KCNN2: variants seen among roughly 807,000 people sequenced by gnomAD.
The protein encoded by KCNN2 is small conductance calcium-activated potassium channel protein 2.
KCNN2 carries 24 observed loss-of-function variants against 55.5 expected under a neutral mutation model. The ratio of observed to expected loss-of-function variants is 0.43; its 90% confidence interval spans 0.31 to 0.61. The LOEUF (loss-of-function observed/expected upper bound fraction) is 0.61, where lower values mean the gene tolerates loss of function less well. Ranked by LOEUF, KCNN2 falls within the 20% of genes least tolerant of loss-of-function variation. The pLI is 0.08. For missense variants in KCNN2, 754 were observed against 853.6 expected (o/e 0.88, Z 1.45); for synonymous variants, 431 against 336.1 (o/e 1.28, Z -3.09).
intron 2 of KCNN2, among the ~76,000 whole-genome samples, chr5:114,309,061 T>G (rs923565553): frequency 2.6e-5 from 4 of 152,318 alleles, no homozygotes; most frequent in Admixed American, 1.3e-4. Flanking sequence ...GAGCTGAAAA[T>G]TAAATTAATC....
At chr5:114,386,837 C>T (rs577918364) in intron 2 of KCNN2, among the ~76,000 whole-genome samples, 11 of 152,280 alleles carry the variant, frequency 7.2e-5, no homozygotes, top group South Asian at 2.1e-4. Context: ...TTTACTATCC[C>T]GCATTTATCA....
intron 1 of KCNN2, among the ~76,000 whole-genome samples, chr5:114,061,266 C>T (rs1218659877): frequency 6.6e-6 from 1 of 152,108 alleles, no homozygotes; most frequent in Non-Finnish European, 1.5e-5. Context: ...CTCCTAGTAC[C>T]CCAACTCCAA....
At chr5:114,152,229 A>G (rs1177053256) in intron 1 of KCNN2, among the ~76,000 whole-genome samples, 2 of 152,164 alleles carry the variant, frequency 1.3e-5, no homozygotes, top group Admixed American at 6.6e-5. Flanking sequence ...CCCTTTAAAA[A>G]GTCATGTTTT....
At chr5:114,154,935 T>C (rs1373977691) in intron 1 of KCNN2, among the ~76,000 whole-genome samples, 2 of 152,164 alleles carry the variant, frequency 1.3e-5, no homozygotes, top group African/African-American at 2.4e-5. Flanking sequence ...GTTTGTTACA[T>C]AGGCAAACTT....
chr5:114,363,455 G>T lies in KCNN2; in HGVS notation c.1122+194G>T, dbSNP rs189507722. Among the ~76,000 whole-genome samples the T allele has an allele frequency of 8.2e-4, 125 of 152,358 alleles. 1 individual carries two copies. The highest frequency in any genetic ancestry group is 1.4e-3 in the Admixed American group (22 of 15,314). On this transcript the variant is annotated intron_variant, in intron 1 of 7. Transcript: ENST00000673685. ...ACTCGGAGATGAACCCTTTCCGCGT[G>T]CAGCCAAAGTTCTCGAGGCAGTTAA... is the stretch of plus-strand genomic sequence containing the variant.
In KCNN2 at chr5:114,362,691, C is replaced by T. The variant is rs890128901; in HGVS notation, c.552C>T (p.His184=). 5.6e-6 allele frequency: 8 copies of T among 1,429,234 alleles called. No individual in the cohort carries two copies. In the East Asian group the frequency reaches 1.0e-4, roughly 18 times the overall value. The allele number at this position is 1,429,234 out of a possible 1,614,324, so 88.5% of individuals were successfully genotyped here. ...GSLGSGPPLS[H]HHHHPHPAHH... ...TGGGCTCCGGGCCCCCGCTCTCGCA[C>T]CACCACCACCACCCGCACCCGGCGC... The change falls in exon 1 of 8, where the codon CAC becomes CAT. Residue 184 remains histidine, a synonymous_variant. Coordinates refer to ENST00000673685, the MANE Select transcript of KCNN2 (RefSeq NM_021614.4).
At chr5:114,071,802 C>G (rs1251274737) in intron 1 of KCNN2, among the ~76,000 whole-genome samples, 1 of 152,216 alleles carries the variant, frequency 6.6e-6, no homozygotes, top group African/African-American at 2.4e-5. Flanking sequence ...CATATTCACA[C>G]TGATAAGGGA....
intron 2 of KCNN2, among the ~76,000 whole-genome samples, chr5:114,280,934 C>T (rs2150012809): frequency 6.6e-6 from 1 of 152,164 alleles, no homozygotes; most frequent in South Asian, 2.1e-4. Flanking sequence ...CCAACCTGAC[C>T]TTTTTCTTTT....
At chr5:114,394,817 T>C (rs527532178) in intron 2 of KCNN2, among the ~76,000 whole-genome samples, 10 of 152,322 alleles carry the variant, frequency 6.6e-5, no homozygotes, top group South Asian at 6.2e-4. Context: ...TTAGACTTTC[T>C]GTTCTGTTCC....
intron 2 of KCNN2, among the ~76,000 whole-genome samples, chr5:114,370,526 T>C (rs1757731458): frequency 6.6e-6 from 1 of 151,962 alleles, no homozygotes; most frequent in Non-Finnish European, 1.5e-5. Flanking sequence ...GATAGAAAGT[T>C]GGGAGGCAAC....
chr5:114,301,062 T>TTA (rs1554080363), intron 2 of KCNN2, among the ~76,000 whole-genome samples: 10 of 151,006 alleles, frequency 6.6e-5, no homozygotes, highest in Non-Finnish European at 8.9e-5. Context: ...ATTTTTTTTT[T>TTA]AATTTTACTT....
intron 2 of KCNN2, among the ~76,000 whole-genome samples, chr5:114,313,565 C>T (rs373552942): frequency 2.4e-4 from 37 of 152,086 alleles, no homozygotes; most frequent in Admixed American, 3.9e-4. Flanking sequence ...CACAGAAGCA[C>T]GAAGTTTGGT....
At chr5:114,395,761 G>C (rs1232238165) in intron 2 of KCNN2, among the ~76,000 whole-genome samples, 2 of 152,118 alleles carry the variant, frequency 1.3e-5, no homozygotes, top group African/African-American at 4.8e-5. Flanking sequence ...ACGGCACCTA[G>C]CCTTGTCTCC....
At chr5:114,239,342 C>T (rs1488702705) in intron 2 of KCNN2, among the ~76,000 whole-genome samples, 5 of 152,000 alleles carry the variant, frequency 3.3e-5, no homozygotes, top group South Asian at 2.1e-4. Context: ...AAAAGTTAAC[C>T]GGTGTGAGGA....
chr5:114,403,862 A>G (rs1215994560), intron 2 of KCNN2, among the ~76,000 whole-genome samples: 2 of 152,252 alleles, frequency 1.3e-5, no homozygotes, highest in African/African-American at 4.8e-5. Flanking sequence ...CGAATAGAAG[A>G]AAAGAGACAG....
intron 2 of KCNN2, among the ~76,000 whole-genome samples, chr5:114,368,502 C>G (rs1757670274): frequency 6.6e-6 from 1 of 152,094 alleles, no homozygotes; most frequent in African/African-American, 2.4e-5. Flanking sequence ...TGGTCCCTGT[C>G]TACTAGTAGG....
intron 1 of KCNN2, among the ~76,000 whole-genome samples, chr5:114,165,522 A>T (rs1020853049): frequency 6.6e-6 from 1 of 152,096 alleles, no homozygotes; most frequent in Non-Finnish European, 1.5e-5. Context: ...AAGTGACTAA[A>T]AGTTCTTTAC....
chr5:114,134,690 T>C (rs946158955), intron 1 of KCNN2, among the ~76,000 whole-genome samples: 3 of 152,056 alleles, frequency 2.0e-5, no homozygotes, highest in Non-Finnish European at 2.9e-5. Flanking sequence ...TTGGCCAGGC[T>C]GGTCTTCAAC....
intron 1 of KCNN2, among the ~76,000 whole-genome samples, chr5:114,181,564 TA>T: frequency 6.6e-6 from 1 of 152,328 alleles, no homozygotes; most frequent in Non-Finnish European, 1.5e-5. Flanking sequence ...ATATATTTTT[TA>T]GTCAAAGTTT....
Sources: allele counts gnomAD v4.1 joint callset (sites outside exome capture counted in the v4.1 genomes callset), GRCh38; gene constraint gnomAD v4.1.1; transcripts MANE v1.5; gene names NCBI Gene and HGNC (gene_info 2026-07-23, HGNC 2026-07-21).